The following RBFOX1 variants were observed in gnomAD, a reference collection of about 807,000 sequenced individuals.
The protein encoded by RBFOX1 is RNA binding fox-1 homolog 1.
RBFOX1 carries 8 observed loss-of-function variants against 57.7 expected under a neutral mutation model. That is an observed-to-expected ratio of 0.14 (90% CI 0.08 to 0.25). The LOEUF (loss-of-function observed/expected upper bound fraction) is 0.25. RBFOX1 is among the 10% of genes least tolerant of loss of function. The pLI, the probability that RBFOX1 is intolerant of heterozygous loss-of-function variation, is 1.00. For missense variants in RBFOX1, 611 were observed against 548.5 expected, an observed-to-expected ratio of 1.11 and a Z score of -1.14; for synonymous variants, 326 against 222.4, an observed-to-expected ratio of 1.47 and a Z score of -4.15.
intron 1 of RBFOX1, among the ~76,000 whole-genome samples, chr16:6,217,831 A>G (rs1297660008): frequency 6.6e-6 from 1 of 152,168 alleles, no homozygotes; most frequent in Non-Finnish European, 1.5e-5. Context: ...CCGGGCGAAC[A>G]TGGCAAAACT....
chr16:7,136,166 G>A (rs1241332643), intron 4 of RBFOX1, among the ~76,000 whole-genome samples: 1 of 152,172 alleles, frequency 6.6e-6, no homozygotes, highest in East Asian at 1.9e-4. Context: ...TCAAGATTCG[G>A]GAGAGTTTGG....
chr16:7,414,578 C>T (rs184322516), intron 4 of RBFOX1, among the ~76,000 whole-genome samples: 1 of 152,170 alleles, frequency 6.6e-6, no homozygotes. Context: ...CTACCATATC[C>T]CAAACACAAT....
intron 3 of RBFOX1, among the ~76,000 whole-genome samples, chr16:6,803,664 C>T (rs1281053399): frequency 6.6e-6 from 1 of 152,186 alleles, no homozygotes; most frequent in Non-Finnish European, 1.5e-5. Context: ...TTAATAATTT[C>T]TCCCTGAACA....
At chr16:6,973,840 A>T (rs59057271) in intron 3 of RBFOX1, among the ~76,000 whole-genome samples, 3,318 of 152,102 alleles carry the variant, frequency 0.022, 114 homozygotes, top group African/African-American at 0.076. Context: ...AAACAGGTAA[A>T]CGTGTGCCAT....
At chr16:6,385,956 G>T (rs2092244661) in intron 2 of RBFOX1, among the ~76,000 whole-genome samples, 1 of 146,882 alleles carries the variant, frequency 6.8e-6, no homozygotes, top group Non-Finnish European at 1.5e-5. Flanking sequence ...TTTTTTTTGA[G>T]ATGGAGTCTT....
chr16:7,082,308 T>C (rs758754605), intron 4 of RBFOX1, among the ~76,000 whole-genome samples: 8 of 152,058 alleles, frequency 5.3e-5, no homozygotes, highest in Non-Finnish European at 7.4e-5. Context: ...AGGCTGGGCG[T>C]GGTCGTTTCT....
intron 2 of RBFOX1, among the ~76,000 whole-genome samples, chr16:6,496,385 CA>C (rs2095769029): frequency 6.6e-6 from 1 of 152,162 alleles, no homozygotes; most frequent in South Asian, 2.1e-4. Context: ...TGCTTTGCGG[CA>C]GGCGTTTGTG....
chr16:5,654,107 G>A (rs1396797746), intron 3 of RBFOX1, among the ~76,000 whole-genome samples: 1 of 152,170 alleles, frequency 6.6e-6, no homozygotes, highest in East Asian at 1.9e-4. Context: ...ACACGTCTGG[G>A]TCAAATACTA....
intron 3 of RBFOX1, among the ~76,000 whole-genome samples, chr16:5,732,525 G>C (rs2151565601): frequency 6.6e-6 from 1 of 152,300 alleles, no homozygotes; most frequent in East Asian, 1.9e-4. Context: ...AAGACATAGG[G>C]GAGAGGCAGG....
intron 1 of RBFOX1, among the ~76,000 whole-genome samples, chr16:5,381,469 G>C (rs1024018343): frequency 7.2e-5 from 11 of 152,176 alleles, no homozygotes; most frequent in Non-Finnish European, 1.5e-4. Flanking sequence ...CTGGGGCAGG[G>C]CTCAAGATTC....
At chr16:7,398,764 A>G (rs1038819292) in intron 4 of RBFOX1, among the ~76,000 whole-genome samples, 1 of 152,220 alleles carries the variant, frequency 6.6e-6, no homozygotes, top group East Asian at 1.9e-4. Flanking sequence ...CTCTAGCCCC[A>G]TGTGGCTGGG....
At chr16:6,284,162 A>G (rs369902688) in intron 1 of RBFOX1, among the ~76,000 whole-genome samples, 96 of 152,276 alleles carry the variant, frequency 6.3e-4, no homozygotes, top group Middle Eastern at 3.4e-3. Flanking sequence ...CATTTTTCCT[A>G]TTATCTACTT....
chr16:7,173,824 G>C (rs1034220821), intron 4 of RBFOX1, among the ~76,000 whole-genome samples: 1 of 152,176 alleles, frequency 6.6e-6, no homozygotes, highest in East Asian at 1.9e-4. Flanking sequence ...TCATACAACT[G>C]TTGTCCTATA....
chr16:7,129,202 C>G (rs1474865034), intron 4 of RBFOX1, among the ~76,000 whole-genome samples: 2 of 152,198 alleles, frequency 1.3e-5, no homozygotes, highest in East Asian at 1.9e-4. Context: ...CAAGTTCTTC[C>G]TCATTGCAAT....
chr16:5,978,449 C>G (rs960349392), intron 4 of RBFOX1, among the ~76,000 whole-genome samples: 2 of 152,118 alleles, frequency 1.3e-5, no homozygotes, highest in Admixed American at 6.5e-5. Context: ...CGACTGATAA[C>G]GTCATCCATC....
At chr16:7,020,862 C>A (rs1408753732) in intron 3 of RBFOX1, among the ~76,000 whole-genome samples, 1 of 152,272 alleles carries the variant, frequency 6.6e-6, no homozygotes, top group Admixed American at 6.5e-5. Context: ...CTTGAAGGCT[C>A]ATGCCTGTAA....
intron 14 of RBFOX1, chr16:7,693,353 G>T (rs2077796400): frequency 1.9e-6 from 3 of 1,606,552 alleles, no homozygotes; most frequent in African/African-American, 1.4e-5. Context: ...GAAATTTCTT[G>T]TAACACCTCT....
intron 3 of RBFOX1, among the ~76,000 whole-genome samples, chr16:7,009,808 A>G (rs2093561706): frequency 6.6e-6 from 1 of 152,192 alleles, no homozygotes; most frequent in South Asian, 2.1e-4. Flanking sequence ...GAAAAATAAT[A>G]CTAGAGCTAA....
At chr16:6,486,198 G>C (rs1286122517) in intron 2 of RBFOX1, among the ~76,000 whole-genome samples, 1 of 135,716 alleles carries the variant, frequency 7.4e-6, no homozygotes, top group African/African-American at 2.8e-5. Context: ...TATGACTTTT[G>C]TTTTGAGAAT....
Sources: gnomAD v4.1 joint callset for allele counts (sites outside exome capture counted in the v4.1 genomes callset) on GRCh38, gnomAD v4.1.1 for gene constraint, MANE v1.5 for transcripts, NCBI Gene and HGNC (gene_info 2026-07-23, HGNC 2026-07-21) for gene names.